NEBL: variants seen among roughly 807,000 people sequenced by gnomAD.
NEBL encodes the protein nebulette, also known as LIM and SH3 protein 2.
In NEBL, 122 loss-of-function variants were observed where a neutral mutation model predicts 140.2. The observed-to-expected ratio is 0.87, with a 90% confidence interval of 0.75 to 1.01. The LOEUF is 1.01. Ranked by LOEUF, NEBL falls within the 50% of genes least tolerant of loss-of-function variation. NEBL has a pLI of 0.00. For synonymous variants in NEBL, 436 were observed against 398.9 expected, an observed-to-expected ratio of 1.09 and a Z score of -1.11; for missense variants, 1,365 against 1,231.3, an observed-to-expected ratio of 1.11 and a Z score of -1.62.
intron 3 of NEBL, among the ~76,000 whole-genome samples, chr10:20,979,617 A>C (rs1194516475): frequency 1.3e-5 from 2 of 152,236 alleles, no homozygotes; most frequent in Non-Finnish European, 2.9e-5. Context: ...GATTCTCTTT[A>C]TTCTGATTGA....
intron 3 of NEBL, among the ~76,000 whole-genome samples, chr10:21,189,167 G>C (rs1419837494): frequency 1.3e-5 from 2 of 152,098 alleles, no homozygotes; most frequent in Non-Finnish European, 2.9e-5. Context: ...GGGGTAAGGA[G>C]ATCACCCTGT....
At chr10:20,914,403 G>C (rs1187973193) in intron 4 of NEBL, among the ~76,000 whole-genome samples, 2 of 152,132 alleles carry the variant, frequency 1.3e-5, no homozygotes, top group Non-Finnish European at 2.9e-5. Flanking sequence ...TTACTGCAAA[G>C]GTTTTCTATG....
At chr10:20,941,156 T>C (rs1178040259) in intron 4 of NEBL, among the ~76,000 whole-genome samples, 1 of 152,112 alleles carries the variant, frequency 6.6e-6, no homozygotes, top group Admixed American at 6.5e-5. Flanking sequence ...TAGACCAATA[T>C]CCCTGATGAA....
At chr10:20,876,576 A>T (rs1388228373) in intron 5 of NEBL, among the ~76,000 whole-genome samples, 3 of 152,184 alleles carry the variant, frequency 2.0e-5, no homozygotes, top group Non-Finnish European at 4.4e-5. Flanking sequence ...TACATATATC[A>T]TTCTTGAAAA....
chr10:21,072,851 C>T lies in NEBL; in HGVS notation c.165-52650G>A, dbSNP rs141660360. Among the ~76,000 whole-genome samples, 699 of 152,214 alleles carry T rather than the reference C, an allele frequency of 4.6e-3. 6 individuals carry two copies. The highest frequency in any genetic ancestry group is 0.016 in the African/African-American group (656 of 41,518). On this transcript the variant is annotated intron_variant, in intron 2 of 6. Coordinates refer to the NEBL transcript ENST00000417816. ...ACTAAAAATACAAAAGTTAGCCAGG[C>T]GTGGTGGCAGGCACCTGCAATCCTA...
chr10:21,233,863 T>C (rs912499441), intron 3 of NEBL, among the ~76,000 whole-genome samples: 4 of 145,058 alleles, frequency 2.8e-5, no homozygotes, highest in African/African-American at 1.0e-4. Context: ...TATAGATATA[T>C]ATTACATATA....
intron 3 of NEBL, among the ~76,000 whole-genome samples, chr10:21,001,061 T>A (rs1341703738): frequency 1.3e-5 from 2 of 152,084 alleles, no homozygotes; most frequent in Non-Finnish European, 2.9e-5. Context: ...CAGGTCCCCA[T>A]GAGCTTGTAT....
chr10:20,829,530 T>C (rs1436563201), intron 16 of NEBL, among the ~76,000 whole-genome samples: 2 of 151,818 alleles, frequency 1.3e-5, no homozygotes, highest in African/African-American at 4.8e-5. Context: ...AGCACATGTA[T>C]ACATATGTAA....
At chr10:20,792,471 G>A (rs1223825424) in intron 26 of NEBL, among the ~76,000 whole-genome samples, 1 of 152,190 alleles carries the variant, frequency 6.6e-6, no homozygotes, top group Non-Finnish European at 1.5e-5. Flanking sequence ...TAGTTTTGAA[G>A]TAAGTATTAA....
Position 21,067,133 on chromosome 10 carries a change from C to T in NEBL, c.165-46932G>A, listed in dbSNP as rs566171656. Among the ~76,000 whole-genome samples, 92 of 151,858 alleles carry T rather than the reference C, an allele frequency of 6.1e-4. No homozygotes were observed. In the South Asian group the frequency reaches 0.018, roughly 30 times the overall value. Reference sequence around the variant, plus strand: ...GACTACAGGCGCCCGCCACCACGCCCGGCTAATTTTGGTATTTATAGTAGA... The same window carrying T: ...GACTACAGGCGCCCGCCACCACGCCTGGCTAATTTTGGTATTTATAGTAGA... On this transcript the variant is annotated intron_variant, in intron 2 of 6. Transcript: ENST00000417816.
chr10:21,056,669 A>G (rs1347434923), intron 2 of NEBL, among the ~76,000 whole-genome samples: 3 of 152,244 alleles, frequency 2.0e-5, no homozygotes, highest in Non-Finnish European at 4.4e-5. Context: ...TATATTCTAC[A>G]TTAGAATATT....
Position 20,823,226 on chromosome 10 carries a change from G to A in NEBL, c.1944C>T (p.Asn648=). 1 of 1,607,042 alleles carries A rather than the reference G, an allele frequency of 6.2e-7. No individual in the cohort carries two copies. Among genetic ancestry groups the A allele is most frequent in the Non-Finnish European group, 8.5e-7 (1 of 1,176,516 alleles). Residue 648 remains asparagine, a synonymous_variant, in exon 19 of 28, where the codon AAC becomes AAT. Coordinates refer to ENST00000377122, the MANE Select transcript of NEBL (RefSeq NM_006393.3). ...TGATCACATTGCTGATGTTCTTCTG[G>A]TTTTCTTTAACTCTCTTTAGTTCTG... ...DPPELKRVKE[N]QKNISNLQYK...
chr10:20,964,281 T>C (rs1836189617), intron 3 of NEBL, among the ~76,000 whole-genome samples: 1 of 152,136 alleles, frequency 6.6e-6, no homozygotes, highest in Admixed American at 6.6e-5. Flanking sequence ...TGGCAGGAAT[T>C]CTTGGGAAAG....
At chr10:20,904,642 G>C (rs528944945) in intron 4 of NEBL, among the ~76,000 whole-genome samples, 1 of 152,100 alleles carries the variant, frequency 6.6e-6, no homozygotes, top group South Asian at 2.1e-4. Context: ...TGTCACATGT[G>C]TGCTTGTACA....
At chr10:21,169,193 T>C (rs1335391867) in intron 2 of NEBL, among the ~76,000 whole-genome samples, 1 of 146,484 alleles carries the variant, frequency 6.8e-6, no homozygotes, top group South Asian at 2.2e-4. Flanking sequence ...GGGATAGAGA[T>C]GTTCCTTGTA....
chr10:21,255,134 C>CCA, intron 1 of NEBL, among the ~76,000 whole-genome samples: 1 of 152,296 alleles, frequency 6.6e-6, no homozygotes, highest in African/African-American at 2.4e-5. Flanking sequence ...GGAGCTTCAT[C>CCA]CACACCAGTC....
chr10:21,156,227 A>G (rs564531617), intron 2 of NEBL, among the ~76,000 whole-genome samples: 2 of 152,318 alleles, frequency 1.3e-5, no homozygotes, highest in East Asian at 3.9e-4. Flanking sequence ...AAAGACCAGG[A>G]GAGTTTTCCA....
exon 1 of NEBL, chr10:21,174,115 T>G: frequency 9.9e-6 from 8 of 809,056 alleles, no homozygotes; most frequent in South Asian, 5.6e-5. Context: ...CAGGTACGGG[T>G]GACTCACACA....
Position 20,988,704 on chromosome 10 carries a change from A to G in NEBL, c.250-26925T>C, listed in dbSNP as rs115384039. 3.2e-3 allele frequency among the ~76,000 whole-genome samples: 482 copies of G among 152,332 alleles called. 3 individuals carry two copies. Among genetic ancestry groups the G allele is most frequent in the African/African-American group, 0.011 (460 of 41,562 alleles). The stretch of plus-strand genomic sequence containing the variant: ...GCAAAAACTCCTCAAATAGTTATCC[A>G]GATTCACAGCTTTGACTTCTCTTCT... On this transcript the variant is annotated intron_variant, in intron 3 of 6. Transcript: ENST00000417816.
Sources: allele counts gnomAD v4.1 joint callset (sites outside exome capture counted in the v4.1 genomes callset), GRCh38; gene constraint gnomAD v4.1.1; transcripts MANE v1.5; gene names NCBI Gene and HGNC (gene_info 2026-07-23, HGNC 2026-07-21).